The following ECT2L variants were observed in gnomAD, a reference collection of about 807,000 sequenced individuals.
ECT2L encodes the protein epithelial cell transforming 2 like.
ECT2L carries 126 observed loss-of-function variants against 122.8 expected under a neutral mutation model. The observed-to-expected ratio is 1.03, with a 90% CI of 0.89 to 1.19. The LOEUF is 1.19. ECT2L is among the 50% of genes most tolerant of loss of function. The probability of loss-of-function intolerance (pLI) is 0.00; values close to 1 mark genes in which losing one functional copy is unlikely to be tolerated. For synonymous variants in ECT2L, 385 were observed against 381.8 expected (o/e 1.01, Z -0.10); for missense variants, 1,012 against 1,064.1 (o/e 0.95, Z 0.68).
intron 19 of ECT2L, 24 bp downstream of exon 19, chr6:138,886,946 G>C (rs763847133): frequency 5.0e-6 from 8 of 1,587,320 alleles, no homozygotes; most frequent in East Asian, 2.2e-5. Flanking sequence ...GGAACTTGCT[G>C]TATCTCATGC....
intron 20 of ECT2L, among the ~76,000 whole-genome samples, chr6:138,900,613 C>T (rs1000793653): frequency 1.5e-4 from 23 of 152,110 alleles, no homozygotes; most frequent in Non-Finnish European, 4.4e-5. Flanking sequence ...CATCAAAGTA[C>T]CTAACAACAC....
chr6:138,829,856 A>G (rs575274289), intron 4 of ECT2L, among the ~76,000 whole-genome samples: 16 of 151,986 alleles, frequency 1.1e-4, no homozygotes, highest in Admixed American at 6.5e-5. Flanking sequence ...CAGAGTAGCT[A>G]GGATTACAGG....
chr6:138,884,030 A>AT (rs1215566429), intron 16 of ECT2L, among the ~76,000 whole-genome samples: 3 of 151,902 alleles, frequency 2.0e-5, no homozygotes, highest in African/African-American at 4.8e-5. Flanking sequence ...CACCTGGCTA[A>AT]TTTTTTTGTA....
In ECT2L at chr6:138,821,342, G is replaced by A. The variant is rs554831387; in HGVS notation, c.179+6739G>A. 1.6e-4 allele frequency among the ~76,000 whole-genome samples: 24 copies of A among 152,296 alleles called. No homozygotes were observed. In the South Asian group the frequency reaches 4.6e-3, roughly 29 times the overall value. On this transcript the variant is annotated intron_variant, in intron 4 of 21. Coordinates refer to ENST00000541398, the MANE Select transcript of ECT2L (RefSeq NM_001077706.3). ...GGTCTTCCTGCAGCTGAAGCTTCTT[G>A]CAGTGCTTCCGTAGTGAAACCAATG... is the stretch of plus-strand genomic sequence containing the variant.
chr6:138,806,511 CTTTTT>C (rs57786220), intron 1 of ECT2L, among the ~76,000 whole-genome samples: 2 of 89,676 alleles, frequency 2.2e-5, no homozygotes, highest in Admixed American at 1.6e-4. Flanking sequence ...AAAATTCACG[CTTTTT>C]TTTTTTTTTT....
At chr6:138,871,247 T>C (rs1280435599) in intron 13 of ECT2L, among the ~76,000 whole-genome samples, 1 of 152,206 alleles carries the variant, frequency 6.6e-6, no homozygotes, top group Non-Finnish European at 1.5e-5. Context: ...GAAAGTCACC[T>C]GTCTTTGATG....
intron 1 of ECT2L, among the ~76,000 whole-genome samples, chr6:138,810,490 G>A (rs1313792533): frequency 3.3e-5 from 5 of 152,074 alleles, no homozygotes; most frequent in East Asian, 3.9e-4. Context: ...TAGAGAGAGA[G>A]AAAAAAATGT....
At chr6:138,821,338 T>TC (rs2128377787) in intron 4 of ECT2L, among the ~76,000 whole-genome samples, 1 of 152,366 alleles carries the variant, frequency 6.6e-6, no homozygotes, top group Non-Finnish European at 1.5e-5. Flanking sequence ...AGCTGAAGCT[T>TC]CTTGCAGTGC....
intron 16 of ECT2L, among the ~76,000 whole-genome samples, chr6:138,884,661 T>C (rs1029430310): frequency 3.3e-5 from 5 of 151,374 alleles, no homozygotes; most frequent in African/African-American, 9.7e-5. Context: ...ACAAAAAAAA[T>C]ATATTAAGTA....
chr6:138,876,717 A>G (rs756969556), intron 14 of ECT2L, among the ~76,000 whole-genome samples, 159 bp downstream of exon 14: 24 of 152,000 alleles, frequency 1.6e-4, no homozygotes, highest in Admixed American at 9.2e-4. Context: ...CAGCTGGCAG[A>G]CTTTTTTTTC....
rs761155385 is a variant in ECT2L, at chr6:138,900,960, C to A, written c.2427C>A (p.His809Gln). 5.6e-6 allele frequency: 9 copies of A among 1,613,764 alleles called. No homozygotes were observed. The Admixed American group carries it at 1.3e-4, about 24-fold the overall frequency. The change falls in exon 21 of 22, where the codon CAC (histidine) becomes CAA (glutamine). Residue 809 changes from histidine to glutamine, a missense_variant. Transcript: ENST00000541398. ...EISFSLRLYE[H>Q]IHDLSLFLFN... The stretch of plus-strand genomic sequence containing the variant: ...CATTTTAACACAGGCTCTATGAACA[C>A]ATCCATGATCTCAGCCTTTTCCTCT...
intron 12 of ECT2L, among the ~76,000 whole-genome samples, 194 bp from the exon 13 acceptor site, chr6:138,867,909 T>G (rs1375345899): frequency 6.8e-6 from 1 of 146,024 alleles, no homozygotes; most frequent in African/African-American, 2.5e-5. Context: ...CTTGAGAAGC[T>G]GAGGTGGGAG....
intron 4 of ECT2L, among the ~76,000 whole-genome samples, chr6:138,830,333 C>T (rs1334235478): frequency 6.6e-6 from 1 of 152,120 alleles, no homozygotes. Flanking sequence ...GCCTTGTGGG[C>T]CCTGTGATCC....
intron 20 of ECT2L, among the ~76,000 whole-genome samples, chr6:138,891,450 T>A (rs1440601891): frequency 1.6e-4 from 25 of 152,182 alleles, no homozygotes; most frequent in Admixed American, 1.6e-3. Context: ...TGAAGCCTGC[T>A]ACCTGGAGGC....
intron 4 of ECT2L, among the ~76,000 whole-genome samples, chr6:138,827,767 C>T (rs1776502257): frequency 6.6e-6 from 1 of 152,092 alleles, no homozygotes; most frequent in African/African-American, 2.4e-5. Flanking sequence ...CCATGTTGGC[C>T]AGACTGGTTT....
intron 12 of ECT2L, 86 bp downstream of exon 12, chr6:138,865,264 G>A (rs1777992994): frequency 7.4e-7 from 1 of 1,345,190 alleles, no homozygotes; most frequent in Non-Finnish European, 9.9e-7. Context: ...TATGGCGCAA[G>A]TAAAATTTTA....
At chr6:138,891,809 A>C (rs78443354) in intron 20 of ECT2L, among the ~76,000 whole-genome samples, 1 of 118,338 alleles carries the variant, frequency 8.5e-6, no homozygotes, top group African/African-American at 3.0e-5. Flanking sequence ...GAATAAATCT[A>C]TTTTACACAG....
chr6:138,798,301 C>T (rs1353871784), intron 1 of ECT2L, among the ~76,000 whole-genome samples: 4 of 152,284 alleles, frequency 2.6e-5, no homozygotes, highest in African/African-American at 7.2e-5. Flanking sequence ...GTTCCAGCTG[C>T]ATAATCACAT....
intron 15 of ECT2L, 69 bp downstream of exon 15, chr6:138,881,240 C>A: frequency 6.8e-7 from 1 of 1,462,332 alleles, no homozygotes; most frequent in South Asian, 1.2e-5. Context: ...TTTATTGTTT[C>A]AAAAGCAGTA....
Sources: gnomAD v4.1 joint callset for allele counts (sites outside exome capture counted in the v4.1 genomes callset) on GRCh38, gnomAD v4.1.1 for gene constraint, MANE v1.5 for transcripts, NCBI Gene and HGNC (gene_info 2026-07-23, HGNC 2026-07-21) for gene names.